The following MCTP2 variants were observed in gnomAD, a reference collection of about 807,000 sequenced individuals.
MCTP2 encodes the protein multiple C2 and transmembrane domain-containing protein 2.
In MCTP2, 132 loss-of-function variants were observed where a neutral mutation model predicts 111.6. That is an observed-to-expected ratio of 1.18 (90% CI 1.03 to 1.37). MCTP2 has a LOEUF of 1.37. Ranked by LOEUF, MCTP2 falls within the 40% of genes most tolerant of loss-of-function variation. MCTP2 has a pLI of 0.00. For synonymous variants in MCTP2, 395 were observed against 387.7 expected, an observed-to-expected ratio of 1.02 and a Z score of -0.22; for missense variants, 1,183 against 1,067.9, an observed-to-expected ratio of 1.11 and a Z score of -1.50.
chr15:94,454,445 C>T (rs1288883268), intron 19 of MCTP2, among the ~76,000 whole-genome samples: 3 of 152,058 alleles, frequency 2.0e-5, no homozygotes, highest in Non-Finnish European at 4.4e-5. Flanking sequence ...GGGATATCAA[C>T]AAGGTTGTGT....
chr15:94,242,952 CATATACACGTGT>C (rs765588553), intron 1 of MCTP2, among the ~76,000 whole-genome samples: 14 of 132,884 alleles, frequency 1.1e-4, no homozygotes, highest in Non-Finnish European at 2.0e-4. Context: ...TGTAGATACA[CATATACACGTGT>C]ATATGTGTAT....
chr15:94,241,342 A>G (rs2070937770), intron 1 of MCTP2, among the ~76,000 whole-genome samples: 1 of 152,184 alleles, frequency 6.6e-6, no homozygotes, highest in Non-Finnish European at 1.5e-5. Flanking sequence ...CCATTTTACT[A>G]TAGGTTATGA....
In MCTP2 at chr15:94,482,873, A is replaced by G. The variant is rs1039311454; in HGVS notation, c.*3839A>G. 2.6e-5 allele frequency: 4 copies of G among 152,234 alleles called. No homozygotes were observed. The highest frequency in any genetic ancestry group is 2.0e-4 in the Admixed American group (3 of 15,286). The allele number at this position is 152,234 out of a possible 1,614,324, so 9.4% of individuals were successfully genotyped here. On this transcript the variant is annotated 3_prime_UTR_variant, in exon 23 of 23. Transcript: ENST00000357742. Reference sequence around the variant, plus strand: ...CTGCAAGAAAGCTGATGTGGTCAATAATATCAAATGCCGCTGAGATCACAT... The same window carrying G: ...CTGCAAGAAAGCTGATGTGGTCAATGATATCAAATGCCGCTGAGATCACAT...
At chr15:94,452,372 C>A (rs2152521381) in intron 19 of MCTP2, among the ~76,000 whole-genome samples, 1 of 152,224 alleles carries the variant, frequency 6.6e-6, no homozygotes, top group East Asian at 1.9e-4. Flanking sequence ...AGAACAAAGA[C>A]CGTAGTCAGC....
At chr15:94,465,706 C>A (rs954153035) in intron 20 of MCTP2, among the ~76,000 whole-genome samples, 1 of 152,000 alleles carries the variant, frequency 6.6e-6, no homozygotes, top group Admixed American at 6.6e-5. Context: ...ATGATGCTTA[C>A]GATTGCATTT....
At chr15:94,389,616 G>GT (rs1213249338) in intron 14 of MCTP2, among the ~76,000 whole-genome samples, 1 of 151,790 alleles carries the variant, frequency 6.6e-6, no homozygotes, top group African/African-American at 2.4e-5. Context: ...GTTTTGTTTT[G>GT]TTTTTTAACG....
intron 2 of MCTP2, among the ~76,000 whole-genome samples, chr15:94,310,297 G>C (rs2076066146): frequency 6.6e-6 from 1 of 152,168 alleles, no homozygotes; most frequent in Admixed American, 6.5e-5. Context: ...TACTTGCCAT[G>C]GTTCTAGAGT....
intron 19 of MCTP2, among the ~76,000 whole-genome samples, chr15:94,447,769 TAA>T (rs533307714): frequency 6.4e-4 from 97 of 152,342 alleles, no homozygotes; most frequent in Non-Finnish European, 1.1e-3. Context: ...TTAACAATGA[TAA>T]AGTGTTGTAT....
At chr15:94,286,583 C>T (rs1371102701) in intron 1 of MCTP2, among the ~76,000 whole-genome samples, 2 of 152,120 alleles carry the variant, frequency 1.3e-5, no homozygotes, top group Admixed American at 6.6e-5. Context: ...TACTGAATAG[C>T]TCTAAAATGC....
At position 94,385,484 on chromosome 15, in the gene MCTP2, C is replaced by G. The variant is rs2080406301; in HGVS notation, c.1747C>G (p.Pro583Ala). 1.2e-6 allele frequency: 2 copies of G among 1,613,210 alleles called. No homozygotes were observed. Among genetic ancestry groups the G allele is most frequent in the Admixed American group, 1.7e-5 (1 of 59,988 alleles). The change falls in exon 14 of 23, where the codon CCC (proline) becomes GCC (alanine). Residue 583 changes from proline to alanine, a missense_variant. Physicochemically the swap from Pro to Ala is conservative, Grantham distance 27. Transcript: ENST00000357742. ...VTVFDEDGDK[P>A]PDFLGKVAIP... ...AGTGTTTGATGAAGATGGAGATAAA[C>G]CCCCAGATTTTCTTGGAAAAGTTGC... is the stretch of plus-strand genomic sequence containing the variant.
chr15:94,424,891 C>G (rs952141763), intron 17 of MCTP2, among the ~76,000 whole-genome samples: 2 of 151,936 alleles, frequency 1.3e-5, no homozygotes, highest in Non-Finnish European at 2.9e-5. Context: ...TTCTTCTCCC[C>G]CTACATTTTT....
At chr15:94,392,185 C>A (rs2081018951) in intron 14 of MCTP2, among the ~76,000 whole-genome samples, 1 of 151,882 alleles carries the variant, frequency 6.6e-6, no homozygotes, top group Non-Finnish European at 1.5e-5. Flanking sequence ...TACTGGCTAA[C>A]CCGGTGAAAC....
chr15:94,313,321 G>A (rs569085502), intron 2 of MCTP2, among the ~76,000 whole-genome samples: 6 of 152,274 alleles, frequency 3.9e-5, no homozygotes, highest in African/African-American at 1.4e-4. Flanking sequence ...CACAACTGAG[G>A]AATCTGTGCC....
At chr15:94,276,166 C>T (rs2074201292) in intron 1 of MCTP2, among the ~76,000 whole-genome samples, 1 of 151,990 alleles carries the variant, frequency 6.6e-6, no homozygotes, top group Admixed American at 6.6e-5. Context: ...TTTAAAGAAA[C>T]AACTTTGGCT....
chr15:94,464,261 A>ATATATATTATATATATATAT (rs2085434311), intron 20 of MCTP2, among the ~76,000 whole-genome samples: 7 of 43,304 alleles, frequency 1.6e-4, no homozygotes, highest in Non-Finnish European at 2.6e-4. Flanking sequence ...TATATATTAT[A>ATATATATTATATATATATAT]TATATATATA....
chr15:94,280,510 A>G (rs1329416133), intron 1 of MCTP2, among the ~76,000 whole-genome samples: 1 of 135,100 alleles, frequency 7.4e-6, no homozygotes, highest in Non-Finnish European at 1.6e-5. Context: ...TTTTTTCTTC[A>G]TTAGTCTCAC....
At chr15:94,287,043 T>A (rs181917763) in intron 1 of MCTP2, among the ~76,000 whole-genome samples, 2 of 152,350 alleles carry the variant, frequency 1.3e-5, no homozygotes, top group Non-Finnish European at 2.9e-5. Context: ...ATATGTTTAT[T>A]TTTAAATATC....
chr15:94,297,884 G>C (rs947540270), intron 1 of MCTP2, among the ~76,000 whole-genome samples: 4 of 151,718 alleles, frequency 2.6e-5, no homozygotes, highest in African/African-American at 9.7e-5. Flanking sequence ...CTTTAGCTCC[G>C]CTTCCTCTGG....
chr15:94,245,260 A>G (rs186044672), intron 1 of MCTP2, among the ~76,000 whole-genome samples: 1 of 142,986 alleles, frequency 7.0e-6, no homozygotes, highest in African/African-American at 2.5e-5. Context: ...ATGTATATAT[A>G]CATATGTGTA....
Sources: gnomAD v4.1 joint callset for allele counts (sites outside exome capture counted in the v4.1 genomes callset) on GRCh38, gnomAD v4.1.1 for gene constraint, MANE v1.5 for transcripts, NCBI Gene and HGNC (gene_info 2026-07-23, HGNC 2026-07-21) for gene names.